LUZP2: variants seen among roughly 807,000 people sequenced by gnomAD.
LUZP2 encodes leucine zipper protein 2.
Under a neutral mutation model 51.6 loss-of-function variants are expected in LUZP2, and 52 were observed. That is an observed-to-expected ratio of 1.01 (90% CI 0.81 to 1.27). The LOEUF is 1.27. LUZP2 is among the 50% of genes most tolerant of loss of function. The pLI is 0.00. For synonymous variants in LUZP2, 154 were observed against 137.3 expected (o/e 1.12, Z -0.85); for missense variants, 436 against 395.4 (o/e 1.10, Z -0.87).
chr11:24,760,446 T>C (rs547410816), intron 4 of LUZP2, among the ~76,000 whole-genome samples: 1 of 152,260 alleles, frequency 6.6e-6, no homozygotes, highest in South Asian at 2.1e-4. Flanking sequence ...TTGAACTATC[T>C]ACCTAATGGA....
chr11:24,896,417 G>T (rs1853054566), intron 5 of LUZP2, among the ~76,000 whole-genome samples: 1 of 152,202 alleles, frequency 6.6e-6, no homozygotes, highest in Non-Finnish European at 1.5e-5. Flanking sequence ...TCCAGGCAGT[G>T]AGGGGCTTAG....
chr11:24,804,202 T>C (rs2134122346), intron 5 of LUZP2, among the ~76,000 whole-genome samples: 1 of 152,210 alleles, frequency 6.6e-6, no homozygotes, highest in East Asian at 1.9e-4. Context: ...TTTCTTATTA[T>C]ATCACAAAAT....
chr11:24,572,605 G>T (rs1270523977), intron 1 of LUZP2, among the ~76,000 whole-genome samples: 1 of 151,946 alleles, frequency 6.6e-6, no homozygotes, highest in Non-Finnish European at 1.5e-5. Flanking sequence ...AAACTACTCT[G>T]TGCAAGGATA....
chr11:25,003,852 G>T (rs184900601), intron 9 of LUZP2, among the ~76,000 whole-genome samples: 141 of 152,196 alleles, frequency 9.3e-4, no homozygotes, highest in African/African-American at 3.2e-3. Context: ...TAATATATCT[G>T]TCCCTAATAA....
chr11:24,984,172 T>C (rs1302685241), intron 9 of LUZP2, among the ~76,000 whole-genome samples: 1 of 151,592 alleles, frequency 6.6e-6, no homozygotes, highest in East Asian at 2.0e-4. Flanking sequence ...GACTTCTAAA[T>C]GCAAATCTCA....
At chr11:25,044,733 C>T (rs1176429265) in intron 9 of LUZP2, among the ~76,000 whole-genome samples, 1 of 151,714 alleles carries the variant, frequency 6.6e-6, no homozygotes, top group African/African-American at 2.4e-5. Flanking sequence ...GATTATAAAA[C>T]ATGCTGCTGT....
chr11:25,082,068 C>T lies in LUZP2; in HGVS notation c.*3410C>T, dbSNP rs1859472513. ...CTTGAATGCTGTGTCTATCCAATGC[C>T]AAAATGCTCAGAAGAAAAGTGAATA... On this transcript the variant is annotated 3_prime_UTR_variant, in exon 12 of 12. Transcript: ENST00000336930. The T allele has an allele frequency of 2.0e-5, 3 of 152,398 alleles. No individual in the cohort carries two copies. Among genetic ancestry groups the T allele is most frequent in the African/African-American group, 7.2e-5 (3 of 41,480 alleles). 9.4% of individuals were successfully genotyped at this position (152,398 alleles called of 1,614,324 possible).
At chr11:24,985,980 G>T (rs1484673643) in intron 9 of LUZP2, among the ~76,000 whole-genome samples, 2 of 151,710 alleles carry the variant, frequency 1.3e-5, no homozygotes, top group East Asian at 3.9e-4. Context: ...GGTTTTGTGT[G>T]TAAGCTAACA....
intron 4 of LUZP2, among the ~76,000 whole-genome samples, chr11:24,746,811 C>T (rs1217304925): frequency 6.6e-6 from 1 of 152,124 alleles, no homozygotes; most frequent in Non-Finnish European, 1.5e-5. Flanking sequence ...TCTTTGAACT[C>T]TGGATTTCTT....
At chr11:24,623,034 G>C (rs182709089) in intron 1 of LUZP2, among the ~76,000 whole-genome samples, 141 of 152,126 alleles carry the variant, frequency 9.3e-4, no homozygotes, top group African/African-American at 3.0e-3. Flanking sequence ...CCGATGGTAT[G>C]GAGGAAAGAA....
intron 1 of LUZP2, among the ~76,000 whole-genome samples, chr11:24,695,584 T>A (rs558080542): frequency 1.3e-5 from 2 of 152,142 alleles, no homozygotes; most frequent in South Asian, 2.1e-4. Flanking sequence ...TCACTGTAAT[T>A]TTTTTACTCA....
chr11:25,005,702 C>G (rs1856813673), intron 9 of LUZP2, among the ~76,000 whole-genome samples: 1 of 152,120 alleles, frequency 6.6e-6, no homozygotes, highest in Non-Finnish European at 1.5e-5. Flanking sequence ...GACGCAGCAG[C>G]AGAAACACTA....
At chr11:24,570,980 A>G (rs552598986) in intron 1 of LUZP2, among the ~76,000 whole-genome samples, 4 of 152,212 alleles carry the variant, frequency 2.6e-5, no homozygotes, top group South Asian at 4.1e-4. Context: ...TTAACGTGAA[A>G]GTAATAGAAG....
intron 9 of LUZP2, among the ~76,000 whole-genome samples, chr11:24,989,136 G>T (rs1376949823): frequency 6.6e-6 from 1 of 151,570 alleles, no homozygotes; most frequent in Non-Finnish European, 1.5e-5. Flanking sequence ...AACAACTTTG[G>T]CAAATGTCAA....
At position 25,009,963 on chromosome 11, in the gene LUZP2, T is replaced by C. The variant is rs1590830507; in HGVS notation, c.765+26670T>C. On this transcript the variant is annotated intron_variant, in intron 9 of 11. Transcript: ENST00000336930. ...TAGTCTACCTTGGCTTAAAAATATT[T>C]TTTAAATTTCTTCCTCAAATATTAT... 2.0e-5 allele frequency among the ~76,000 whole-genome samples: 3 copies of C among 152,314 alleles called. No homozygotes were observed. The East Asian group carries it at 5.8e-4, about 29-fold the overall frequency.
At chr11:24,847,202 A>G (rs559964111) in intron 5 of LUZP2, among the ~76,000 whole-genome samples, 2 of 152,064 alleles carry the variant, frequency 1.3e-5, no homozygotes, top group East Asian at 3.8e-4. Flanking sequence ...AGCATTGTAT[A>G]TATTCATTTA....
At chr11:24,600,150 A>G (rs7926238) in intron 1 of LUZP2, among the ~76,000 whole-genome samples, 148,857 of 151,504 alleles carry the variant, frequency 0.98, 73,183 homozygotes, top group East Asian at 1. Context: ...TTTATTAAAC[A>G]AGAGGATATA....
At chr11:24,560,175 C>A (rs538477897) in intron 1 of LUZP2, among the ~76,000 whole-genome samples, 1 of 151,956 alleles carries the variant, frequency 6.6e-6, no homozygotes, top group Non-Finnish European at 1.5e-5. Flanking sequence ...AAGCTCTTAA[C>A]GTGTTATGAA....
intron 2 of LUZP2, among the ~76,000 whole-genome samples, 168 bp downstream of exon 2, chr11:24,729,454 A>G (rs1181364412): frequency 1.3e-5 from 2 of 152,004 alleles, no homozygotes; most frequent in African/African-American, 4.8e-5. Context: ...TTTGAAATAT[A>G]GTCTAGGAAT....
Sources: gnomAD v4.1 joint callset for allele counts (sites outside exome capture counted in the v4.1 genomes callset) on GRCh38, gnomAD v4.1.1 for gene constraint, MANE v1.5 for transcripts, NCBI Gene and HGNC (gene_info 2026-07-23, HGNC 2026-07-21) for gene names.